Variants in CFDP1 observed in about 807,000 individuals in gnomAD.
CFDP1 encodes chromatin remodeling protein CFDP1, also known as heterochromatin-stabilizing protein CFDP1.
CFDP1 carries 31 observed loss-of-function variants against 40.1 expected under a neutral mutation model. The observed-to-expected ratio is 0.77, with a 90% confidence interval of 0.58 to 1.04. The LOEUF (loss-of-function observed/expected upper bound fraction) is 1.04. CFDP1 is among the 50% of genes least tolerant of loss of function. CFDP1 has a pLI of 0.00. For synonymous variants in CFDP1, 167 were observed against 120.0 expected (o/e 1.39, Z -2.56); for missense variants, 423 against 343.4 (o/e 1.23, Z -1.83).
chr16:75,401,835 T>C (rs1022287244), intron 4 of CFDP1, among the ~76,000 whole-genome samples: 3 of 139,612 alleles, frequency 2.1e-5, no homozygotes, highest in Non-Finnish European at 3.2e-5. Flanking sequence ...CAAGCACTGT[T>C]AGATGTTGAA....
intron 5 of CFDP1, among the ~76,000 whole-genome samples, chr16:75,354,256 ACAATG>A (rs1194077618): frequency 7.2e-5 from 11 of 152,316 alleles, no homozygotes; most frequent in Non-Finnish European, 1.2e-4. Context: ...TTTTCAACTT[ACAATG>A]CATTTATTGG....
intron 6 of CFDP1, among the ~76,000 whole-genome samples, chr16:75,298,838 G>C (rs1186284480): frequency 6.6e-6 from 1 of 152,144 alleles, no homozygotes; most frequent in Non-Finnish European, 1.5e-5. Context: ...GTGACCCTGA[G>C]GAGTCATGAA....
At chr16:75,296,133 A>G (rs559858275) in intron 6 of CFDP1, among the ~76,000 whole-genome samples, 1 of 152,332 alleles carries the variant, frequency 6.6e-6, no homozygotes, top group South Asian at 2.1e-4. Flanking sequence ...CTGGGGGTGT[A>G]AGAGGAATTT....
At chr16:75,318,716 TA>T (rs1291414869) in intron 5 of CFDP1, among the ~76,000 whole-genome samples, 1 of 152,154 alleles carries the variant, frequency 6.6e-6, no homozygotes. Context: ...CATGCTTTCT[TA>T]AATATCTGCA....
At chr16:75,365,306 A>G (rs2078706083) in intron 5 of CFDP1, among the ~76,000 whole-genome samples, 1 of 152,232 alleles carries the variant, frequency 6.6e-6, no homozygotes, top group African/African-American at 2.4e-5. Flanking sequence ...CAGACAGATA[A>G]CAACTATATA....
chr16:75,324,741 T>C (rs943251191), intron 5 of CFDP1: 1 of 46,624 alleles, frequency 2.1e-5, no homozygotes, highest in African/African-American at 6.8e-5. Context: ...AGACTTTGTC[T>C]TAAAAAAAAA....
intron 4 of CFDP1, among the ~76,000 whole-genome samples, chr16:75,402,504 T>C (rs1035550276): frequency 6.6e-6 from 1 of 152,082 alleles, no homozygotes; most frequent in Admixed American, 6.6e-5. Flanking sequence ...AAAAACAAAA[T>C]GAAATGATCA....
intron 1 of CFDP1, among the ~76,000 whole-genome samples, chr16:75,421,337 G>A (rs1428397950): frequency 6.6e-6 from 1 of 152,120 alleles, no homozygotes; most frequent in African/African-American, 2.4e-5. Context: ...GTGGGACAAG[G>A]ACTCCATCTT....
At chr16:75,306,184 T>A (rs1300752800) in intron 5 of CFDP1, among the ~76,000 whole-genome samples, 1 of 152,246 alleles carries the variant, frequency 6.6e-6, no homozygotes, top group Non-Finnish European at 1.5e-5. Flanking sequence ...CATGGTCTAC[T>A]GATAATAATA....
At chr16:75,421,646 C>T (rs568352122) in intron 1 of CFDP1, among the ~76,000 whole-genome samples, 56 of 152,270 alleles carry the variant, frequency 3.7e-4, no homozygotes, top group African/African-American at 1.3e-3. Flanking sequence ...CCTAAACAAG[C>T]ATACAAGGTG....
At chr16:75,412,462 T>C in intron 3 of CFDP1, 73 bp downstream of exon 3, 1 of 1,188,286 alleles carries the variant, frequency 8.4e-7, no homozygotes, top group South Asian at 1.3e-5. Flanking sequence ...CTGGTCGATT[T>C]CCGTAGGCTT....
chr16:75,361,709 A>G (rs956737711), intron 5 of CFDP1, among the ~76,000 whole-genome samples: 1 of 152,186 alleles, frequency 6.6e-6, no homozygotes, highest in Non-Finnish European at 1.5e-5. Flanking sequence ...GTTTTTTTAC[A>G]ATACACAATA....
intron 6 of CFDP1, among the ~76,000 whole-genome samples, chr16:75,294,937 G>T (rs1567637007): frequency 6.6e-6 from 1 of 152,196 alleles, no homozygotes; most frequent in African/African-American, 2.4e-5. Flanking sequence ...AGACACAGCT[G>T]CATCTTAATG....
At chr16:75,319,809 C>G (rs145755182) in intron 5 of CFDP1, among the ~76,000 whole-genome samples, 8 of 152,296 alleles carry the variant, frequency 5.3e-5, no homozygotes, top group African/African-American at 1.7e-4. Context: ...ATCATCTATA[C>G]AAGGGTGATC....
intron 5 of CFDP1, among the ~76,000 whole-genome samples, chr16:75,345,905 G>T (rs1424890309): frequency 6.6e-6 from 1 of 152,174 alleles, no homozygotes; most frequent in Non-Finnish European, 1.5e-5. Flanking sequence ...TCATGTCATC[G>T]GTGACTAAGC....
intron 5 of CFDP1, among the ~76,000 whole-genome samples, chr16:75,382,107 C>T (rs2078857360): frequency 6.7e-6 from 1 of 149,598 alleles, no homozygotes; most frequent in Non-Finnish European, 1.5e-5. Context: ...AGGAGTGAAA[C>T]CCCTGTCTCA....
intron 5 of CFDP1, among the ~76,000 whole-genome samples, chr16:75,344,572 T>C (rs912422252): frequency 3.9e-5 from 6 of 152,164 alleles, no homozygotes; most frequent in Non-Finnish European, 8.8e-5. Context: ...AATGAAAAGC[T>C]ACTCAAAACA....
chr16:75,379,898 G>A (rs1456274064), intron 5 of CFDP1: 1 of 152,134 alleles, frequency 6.6e-6, no homozygotes, highest in African/African-American at 2.4e-5. Flanking sequence ...AGCACTTTGG[G>A]AGGCCGAGAT....
intron 6 of CFDP1, among the ~76,000 whole-genome samples, chr16:75,298,473 T>G (rs2078199718): frequency 1.3e-5 from 2 of 152,176 alleles, no homozygotes; most frequent in Non-Finnish European, 2.9e-5. Context: ...AAAGCTGCAT[T>G]ACTATCATGC....
Sources: gnomAD v4.1 joint callset for allele counts (sites outside exome capture counted in the v4.1 genomes callset) on GRCh38, gnomAD v4.1.1 for gene constraint, MANE v1.5 for transcripts, NCBI Gene and HGNC (gene_info 2026-07-23, HGNC 2026-07-21) for gene names.